FARS2: variants seen among roughly 807,000 people sequenced by gnomAD.
The protein encoded by FARS2 is phenylalanine--tRNA ligase, mitochondrial.
In FARS2, 40 loss-of-function variants were observed where a neutral mutation model predicts 46.4. That is an observed-to-expected ratio of 0.86 (90% CI 0.67 to 1.12). The LOEUF is 1.12. FARS2 is among the 50% of genes most tolerant of loss of function. FARS2 has a pLI of 0.00. For synonymous variants in FARS2, 234 were observed against 214.9 expected, an observed-to-expected ratio of 1.09 and a Z score of -0.78; for missense variants, 513 against 567.9, an observed-to-expected ratio of 0.90 and a Z score of 0.98.
chr6:5,316,955 G>T (rs1051074704), intron 1 of FARS2, among the ~76,000 whole-genome samples: 1 of 152,140 alleles, frequency 6.6e-6, no homozygotes, highest in Non-Finnish European at 1.5e-5. Context: ...GAAAAGTAAA[G>T]CTGAGACCCC....
chr6:5,527,264 G>C (rs1769525465), intron 4 of FARS2, among the ~76,000 whole-genome samples: 1 of 152,238 alleles, frequency 6.6e-6, no homozygotes, highest in African/African-American at 2.4e-5. Context: ...ATTTGTCAGA[G>C]GGACTGCGTT....
chr6:5,372,890 C>T (rs570577921), intron 2 of FARS2, among the ~76,000 whole-genome samples: 3 of 152,104 alleles, frequency 2.0e-5, no homozygotes, highest in African/African-American at 7.2e-5. Flanking sequence ...ATTAAGTGTT[C>T]AATTTATGAT....
At chr6:5,557,962 A>G (rs1771761912) in intron 5 of FARS2, among the ~76,000 whole-genome samples, 1 of 152,094 alleles carries the variant, frequency 6.6e-6, no homozygotes, top group Non-Finnish European at 1.5e-5. Context: ...GGTCAAAAGG[A>G]AAAGGGCTGA....
In FARS2 at chr6:5,499,223, G is replaced by A. The variant is rs574377903; in HGVS notation, c.905-45957G>A. 6.6e-5 allele frequency among the ~76,000 whole-genome samples: 10 copies of A among 152,168 alleles called. No homozygotes were observed. The East Asian group carries it at 7.7e-4, about 12-fold the overall frequency. ...GTTCACTAACTTGGTTCTGGCCAACGTGTGCCTACCCCAAGGAACCTGGGA... is the reference window on the plus strand; with the variant it reads ...GTTCACTAACTTGGTTCTGGCCAACATGTGCCTACCCCAAGGAACCTGGGA... On this transcript the variant is annotated intron_variant, in intron 4 of 6. Transcript: ENST00000274680.
intron 6 of FARS2, among the ~76,000 whole-genome samples, chr6:5,689,573 A>T (rs1757528936): frequency 1.3e-5 from 2 of 152,190 alleles, no homozygotes; most frequent in Admixed American, 6.5e-5. Flanking sequence ...ACAGTTTGTT[A>T]TAATTTCTGT....
At chr6:5,634,960 G>A (rs1776473010) in intron 6 of FARS2, among the ~76,000 whole-genome samples, 1 of 152,208 alleles carries the variant, frequency 6.6e-6, no homozygotes, top group Non-Finnish European at 1.5e-5. Flanking sequence ...TGTCCTGGAA[G>A]GAATGGAATA....
chr6:5,761,383 A>G (rs1304899516), intron 6 of FARS2, among the ~76,000 whole-genome samples: 1 of 152,208 alleles, frequency 6.6e-6, no homozygotes, highest in Non-Finnish European at 1.5e-5. Context: ...ATGAATATGT[A>G]TGTATTGATC....
rs1304411111 is a variant in FARS2 at position 5,304,635 on chromosome 6, ATGTTTG to A, written c.-22+42991_-22+42996del. 7.2e-5 allele frequency among the ~76,000 whole-genome samples: 11 copies of A among 152,034 alleles called. No individual in the cohort carries two copies. In the East Asian group the frequency reaches 9.7e-4, roughly 13 times the overall value. On this transcript the variant is annotated intron_variant, in intron 1 of 6. Transcript: ENST00000274680. ...TCACAGTACATGAGAAGCTGTGTTTATGTTTGTGTTTGTGTTTGTGTGTGTAAAAAA... is the reference window on the plus strand; with the variant it reads ...TCACAGTACATGAGAAGCTGTGTTTATGTTTGTGTTTGTGTGTGTAAAAAA...
intron 6 of FARS2, among the ~76,000 whole-genome samples, chr6:5,720,380 C>CATCAGTTTTCCAGATGTTAATTG (rs1160241158): frequency 1.3e-5 from 2 of 152,164 alleles, no homozygotes; most frequent in South Asian, 2.1e-4. Context: ...AAAACAAACA[C>CATCAGTTTTCCAGATGTTAATTG]ATCAGTTTTC....
intron 2 of FARS2, among the ~76,000 whole-genome samples, chr6:5,380,640 A>G (rs992697252): frequency 6.6e-6 from 1 of 152,182 alleles, no homozygotes. Context: ...GTGTTGAATT[A>G]TATGTCCAGA....
chr6:5,735,278 T>G (rs890334003), intron 6 of FARS2, among the ~76,000 whole-genome samples: 1 of 152,338 alleles, frequency 6.6e-6, no homozygotes, highest in East Asian at 1.9e-4. Context: ...AGCAGAACTG[T>G]AGTTTGATTC....
intron 6 of FARS2, among the ~76,000 whole-genome samples, chr6:5,761,076 C>T (rs1385793502): frequency 1.3e-5 from 2 of 152,292 alleles, no homozygotes; most frequent in East Asian, 3.9e-4. Flanking sequence ...CCTCTGGTGA[C>T]GTTTTGCCAG....
At chr6:5,259,824 T>C (rs1301928219), upstream of FARS2, among the ~76,000 whole-genome samples, 1 of 149,360 alleles carries the variant, frequency 6.7e-6, no homozygotes. Flanking sequence ...AAAAAACAAA[T>C]CTAAAAAAAA....
At chr6:5,424,520 A>G (rs1239289540) in intron 3 of FARS2, among the ~76,000 whole-genome samples, 1 of 152,210 alleles carries the variant, frequency 6.6e-6, no homozygotes, top group Non-Finnish European at 1.5e-5. Context: ...ATTCAGTGAA[A>G]AAAGCGTGGT....
At chr6:5,393,034 G>A (rs1368182380) in intron 2 of FARS2, among the ~76,000 whole-genome samples, 2 of 150,996 alleles carry the variant, frequency 1.3e-5, no homozygotes. Context: ...TTTCACAATG[G>A]AATGTGTGCT....
intron 1 of FARS2, among the ~76,000 whole-genome samples, chr6:5,264,867 C>T (rs949304133): frequency 2.0e-5 from 3 of 152,006 alleles, no homozygotes; most frequent in South Asian, 4.2e-4. Context: ...TATCATATCT[C>T]GTTGTAACTT....
chr6:5,609,857 T>C (rs532592771), intron 5 of FARS2: 1 of 1,012,992 alleles, frequency 9.9e-7, no homozygotes, highest in Non-Finnish European at 1.5e-6. Context: ...TGTTCTTCAG[T>C]GTCTTTAATG....
At chr6:5,678,321 C>T (rs960940750) in intron 6 of FARS2, among the ~76,000 whole-genome samples, 8 of 152,134 alleles carry the variant, frequency 5.3e-5, no homozygotes, top group South Asian at 2.1e-4. Context: ...TTTCCATCAA[C>T]GCTTGAAGGT....
At chr6:5,687,049 G>GT (rs1321089712) in intron 6 of FARS2, among the ~76,000 whole-genome samples, 1 of 152,046 alleles carries the variant, frequency 6.6e-6, no homozygotes. Flanking sequence ...TGATGGGGTT[G>GT]TTTTTTTCTT....
Sources: gnomAD v4.1 joint callset for allele counts (sites outside exome capture counted in the v4.1 genomes callset) on GRCh38, gnomAD v4.1.1 for gene constraint, MANE v1.5 for transcripts, NCBI Gene and HGNC (gene_info 2026-07-23, HGNC 2026-07-21) for gene names.